F8: variants seen among roughly 807,000 people sequenced by gnomAD.
F8 encodes the protein coagulation factor VIII.
In F8, 12 loss-of-function variants were observed where a neutral mutation model predicts 140.6. The observed-to-expected ratio is 0.09, with a 90% CI of 0.05 to 0.14. F8 has a LOEUF of 0.14. Among genes scored for constraint, F8 ranks in the 10% least tolerant of loss-of-function variants. F8 has a pLI of 1.00. For missense variants in F8, 1,354 were observed against 1,720.7 expected (o/e 0.79, Z 3.77); for synonymous variants, 585 against 614.6 (o/e 0.95, Z 0.71).
At chrX:154,988,379 T>C (rs2073570400) in intron 4 of F8, among the ~76,000 whole-genome samples, 1 of 111,953 alleles carries the variant, frequency 8.9e-6, no homozygotes, top group South Asian at 3.7e-4. Context: ...CACTTCACAG[T>C]CTAGACCTCA....
intron 25 of F8, 21 bp downstream of exon 25, chrX:154,860,411 T>C (rs1310059021): frequency 8.3e-7 from 1 of 1,203,522 alleles, no homozygotes; most frequent in African/African-American, 1.8e-5. Flanking sequence ...TCTTTCTTTC[T>C]TTCCAAGGAG....
At chrX:154,946,238 T>C (rs2073303719) in intron 13 of F8, among the ~76,000 whole-genome samples, 1 of 112,372 alleles carries the variant, frequency 8.9e-6, no homozygotes, top group African/African-American at 3.2e-5. Context: ...TTAAAATTTG[T>C]GTGGAACCAC....
At chrX:154,964,375 A>T (rs1042487877) in intron 9 of F8, among the ~76,000 whole-genome samples, 6 of 112,146 alleles carry the variant, frequency 5.4e-5, no homozygotes, top group Non-Finnish European at 1.1e-4. Context: ...AAAATGAAAA[A>T]TAGAAAAAAT....
chrX:154,976,863 T>C (rs1557283039), intron 6 of F8, among the ~76,000 whole-genome samples: 1 of 111,770 alleles, frequency 8.9e-6, no homozygotes, highest in Non-Finnish European at 1.9e-5. Flanking sequence ...AGTTGGAGAA[T>C]TTAACCCATT....
intron 23 of F8, 78 bp downstream of exon 23, chrX:154,863,005 A>G: frequency 1.8e-6 from 2 of 1,087,258 alleles, no homozygotes; most frequent in South Asian, 3.7e-5. Context: ...CCCCTCCCCC[A>G]GTCTCAGGAT....
chrX:154,896,202 C>T lies in F8; in HGVS notation c.6304G>A (p.Gly2102Ser), dbSNP rs200433372. The T allele has an allele frequency of 7.4e-5, 90 of 1,209,037 alleles. No individual in the cohort carries two copies. The highest frequency in any genetic ancestry group is 8.8e-5 in the South Asian group (5 of 56,779). Residue 2102 changes from glycine (G) to serine (S), a missense_variant, in exon 22 of 26, where the codon GGC becomes AGC. Physicochemically the swap from Gly to Ser is moderately conservative, Grantham distance 56 (BLOSUM62 0). This residue lies in a region of F8 where 316 missense variants were observed against 485.4 expected (regional missense o/e 0.65). Coordinates refer to ENST00000360256, the MANE Select transcript of F8 (RefSeq NM_000132.4). The stretch of plus-strand genomic sequence containing the variant: ...TGACGGGCACCCTGGGTCTTGATGC[C>T]GTGAATAATCATTGGTGCCAACAGA... ...VDLLAPMIIH[G>S]IKTQGARQKF...
rs1378144931 is a variant in F8, at chrX:155,022,720, A to G, written c.-168T>C. The G allele has an allele frequency of 1.8e-6, 2 of 1,097,128 alleles. No individual in the cohort carries two copies. The highest frequency in any genetic ancestry group is 2.4e-6 in the Non-Finnish European group (2 of 843,741). 90.4% of individuals were successfully genotyped at this position (1,097,128 alleles called of 1,213,427 possible). A position where few individuals can be genotyped will look rare whatever the true frequency, so the allele number is the denominator to read the frequency against. Reference sequence around the variant, plus strand: ...TTACCCACTGGATGTGCTCAGCACTAAGCAGTAACCGATAGGATTGCTTCC... The same window carrying G: ...TTACCCACTGGATGTGCTCAGCACTGAGCAGTAACCGATAGGATTGCTTCC... On this transcript the variant is annotated 5_prime_UTR_variant, in exon 1 of 26. Coordinates refer to ENST00000360256, the MANE Select transcript of F8 (RefSeq NM_000132.4).
chrX:154,992,046 T>TA (rs1266637650), intron 4 of F8, among the ~76,000 whole-genome samples: 19 of 111,991 alleles, frequency 1.7e-4, no homozygotes, highest in African/African-American at 5.8e-4. Flanking sequence ...GGCTACCCTG[T>TA]AAAACCCATG....
intron 25 of F8, among the ~76,000 whole-genome samples, chrX:154,847,913 G>A (rs925697812): frequency 8.9e-6 from 1 of 112,652 alleles, no homozygotes; most frequent in East Asian, 2.8e-4. Flanking sequence ...CCATCTTTGT[G>A]GTTTTATCTA....
At chrX:154,931,879 C>G (rs2124054604) in intron 13 of F8, among the ~76,000 whole-genome samples, 1 of 111,971 alleles carries the variant, frequency 8.9e-6, no homozygotes, top group South Asian at 3.7e-4. Flanking sequence ...TGTTTGTGAC[C>G]ATAAGAAAGG....
intron 1 of F8, among the ~76,000 whole-genome samples, chrX:155,014,328 T>C (rs1481961651): frequency 8.9e-6 from 1 of 112,071 alleles, no homozygotes; most frequent in African/African-American, 3.2e-5. Flanking sequence ...GTAATTGTAC[T>C]TAATGGTAAA....
At chrX:155,013,671 G>A (rs2073720624) in intron 1 of F8, among the ~76,000 whole-genome samples, 1 of 111,816 alleles carries the variant, frequency 8.9e-6, no homozygotes, top group African/African-American at 3.3e-5. Flanking sequence ...TAACAAAACA[G>A]TTTTAGTTGG....
intron 25 of F8, among the ~76,000 whole-genome samples, chrX:154,840,924 G>A (rs2072514685): frequency 9.0e-6 from 1 of 111,644 alleles, no homozygotes; most frequent in African/African-American, 3.3e-5. Context: ...AAGGAAAGAG[G>A]GAATAAAAAC....
At chrX:154,956,528 C>T (rs28370238) in intron 11 of F8, among the ~76,000 whole-genome samples, 1,139 of 111,983 alleles carry the variant, frequency 0.01, 9 homozygotes, top group Non-Finnish European at 0.016. Flanking sequence ...GTTCTTCTGC[C>T]GTGGCTTCAG....
intron 25 of F8, among the ~76,000 whole-genome samples, chrX:154,839,486 C>T (rs2072502317): frequency 9.2e-6 from 1 of 109,271 alleles, no homozygotes; most frequent in Non-Finnish European, 1.9e-5. Context: ...CCTCAGCCTC[C>T]CAAGTAGCTG....
At chrX:154,943,465 T>C (rs1252745512) in intron 13 of F8, among the ~76,000 whole-genome samples, 1 of 111,575 alleles carries the variant, frequency 9.0e-6, no homozygotes, top group Non-Finnish European at 1.9e-5. Context: ...TTACAACGGA[T>C]GTGAAGGACC....
intron 10 of F8, among the ~76,000 whole-genome samples, chrX:154,957,830 G>A (rs1231580594): frequency 2.0e-5 from 2 of 101,583 alleles, no homozygotes; most frequent in African/African-American, 3.7e-5. Flanking sequence ...AGGTTGAGCC[G>A]ATATCATGCC....
chrX:154,874,719 T>C (rs2072799265), intron 22 of F8, among the ~76,000 whole-genome samples: 1 of 112,215 alleles, frequency 8.9e-6, no homozygotes, highest in Non-Finnish European at 1.9e-5. Flanking sequence ...TTGGTGGTAA[T>C]GTGGAGAAAA....
In F8 at chrX:154,962,379, T is replaced by C. The variant is rs782311569; in HGVS notation, c.1444-1211A>G. On this transcript the variant is annotated intron_variant, in intron 9 of 25. Coordinates refer to ENST00000360256, the MANE Select transcript of F8 (RefSeq NM_000132.4). ...ATTCTCTGCACCTTCTCACACTAAT[T>C]GAAATTTAGATGCCTGGTGAGGACA... Among the ~76,000 whole-genome samples, 7 of 112,426 alleles carry C rather than the reference T, an allele frequency of 6.2e-5. No homozygotes were observed. In the South Asian group the frequency reaches 2.6e-3, roughly 41 times the overall value.
Sources: allele counts gnomAD v4.1 joint callset (sites outside exome capture counted in the v4.1 genomes callset), GRCh38; gene constraint gnomAD v4.1.1; regional missense constraint gnomAD v4.1.1; transcripts MANE v1.5; gene names NCBI Gene and HGNC (gene_info 2026-07-23, HGNC 2026-07-21).